Variants in PCDH15 observed in about 807,000 individuals in gnomAD.
PCDH15 encodes protocadherin-15.
PCDH15 carries 129 observed loss-of-function variants against 178.5 expected under a neutral mutation model. That is an observed-to-expected ratio of 0.72 (90% CI 0.63 to 0.84). The LOEUF (loss-of-function observed/expected upper bound fraction) is 0.84, where lower values mean the gene tolerates loss of function less well. PCDH15 is among the 40% of genes least tolerant of loss of function. The pLI, the probability that PCDH15 is intolerant of heterozygous loss-of-function variation, is 0.00. For synonymous variants in PCDH15, 800 were observed against 732.0 expected (o/e 1.09, Z -1.50); for missense variants, 2,230 against 2,099.9 (o/e 1.06, Z -1.21).
chr10:54,426,110 T>C (rs1205539312), intron 3 of PCDH15, among the ~76,000 whole-genome samples: 2 of 152,168 alleles, frequency 1.3e-5, no homozygotes, highest in South Asian at 2.1e-4. Flanking sequence ...GCCCAAGATA[T>C]TCTTGTATCC....
At chr10:54,817,298 C>T (rs2133736291) in intron 3 of PCDH15, among the ~76,000 whole-genome samples, 1 of 151,796 alleles carries the variant, frequency 6.6e-6, no homozygotes, top group South Asian at 2.1e-4. Context: ...AGAAAACTTG[C>T]CATGAATCCT....
At chr10:55,512,337 A>G (rs1317560736) in intron 2 of PCDH15, among the ~76,000 whole-genome samples, 2 of 152,112 alleles carry the variant, frequency 1.3e-5, no homozygotes, top group Admixed American at 6.6e-5. Context: ...AAACTAATTT[A>G]AGAATTATTT....
intron 1 of PCDH15, among the ~76,000 whole-genome samples, chr10:54,760,375 A>T (rs201833574): frequency 2.6e-4 from 17 of 65,134 alleles, no homozygotes; most frequent in Admixed American, 2.6e-4. Context: ...CAACATATAT[A>T]TTTTTTTTAT....
chr10:55,399,126 GGTTT>G (rs1838001569), intron 2 of PCDH15, among the ~76,000 whole-genome samples: 1 of 151,978 alleles, frequency 6.6e-6, no homozygotes, highest in Non-Finnish European at 1.5e-5. Context: ...AAAAAGGCTT[GGTTT>G]GTTCAAAAAT....
intron 1 of PCDH15, among the ~76,000 whole-genome samples, chr10:55,210,593 A>T (rs115383355): frequency 0.02 from 2,623 of 131,596 alleles, 51 homozygotes; most frequent in African/African-American, 0.042. Context: ...TTTGGCTCTC[A>T]CGATTTTTTT....
intron 1 of PCDH15, among the ~76,000 whole-genome samples, chr10:55,213,088 C>A (rs1473384625): frequency 6.6e-6 from 1 of 152,068 alleles, no homozygotes; most frequent in Non-Finnish European, 1.5e-5. Flanking sequence ...CATAATGGTT[C>A]TTTTACTGAA....
intron 3 of PCDH15, among the ~76,000 whole-genome samples, chr10:54,490,534 T>G (rs4582878): frequency 0.096 from 14,626 of 151,928 alleles, 902 homozygotes; most frequent in East Asian, 0.28. Flanking sequence ...AAAAAATTTT[T>G]AAAAAAGTTA....
At chr10:54,907,017 T>A (rs1381106681) in intron 2 of PCDH15, among the ~76,000 whole-genome samples, 1 of 152,090 alleles carries the variant, frequency 6.6e-6, no homozygotes, top group Non-Finnish European at 1.5e-5. Flanking sequence ...ACCTAATGGA[T>A]CCATGTTTTC....
rs1433568928 is a variant in PCDH15 at position 55,582,614 on chromosome 10, A to ATT, written c.-156+45010_-156+45011insAA. On this transcript the variant is annotated intron_variant, in intron 2 of 5. Coordinates refer to the PCDH15 transcript ENST00000613346. ...TGTATGTGTATATATATATATATATATATATATATATATATTTTTTTTTTT... is the reference window on the plus strand; with the variant it reads ...TGTATGTGTATATATATATATATATATTTATATATATATATATTTTTTTTTTT... Among the ~76,000 whole-genome samples the ATT allele has an allele frequency of 7.9e-4, 70 of 88,574 alleles. 1 individual carries two copies. The highest frequency in any genetic ancestry group is 1.9e-3 in the African/African-American group (32 of 16,494). 58.1% of individuals were successfully genotyped at this position (88,574 alleles called of 152,430 possible). A position where few individuals can be genotyped will look rare whatever the true frequency, so the allele number is the denominator to read the frequency against.
At chr10:54,854,462 T>C (rs1377712773) in intron 3 of PCDH15, among the ~76,000 whole-genome samples, 1 of 151,924 alleles carries the variant, frequency 6.6e-6, no homozygotes, top group Non-Finnish European at 1.5e-5. Flanking sequence ...AACTGGAGAG[T>C]GAGCAAGACA....
chr10:54,308,067 T>C (rs1313851778), intron 8 of PCDH15, among the ~76,000 whole-genome samples: 4 of 152,082 alleles, frequency 2.6e-5, no homozygotes, highest in Admixed American at 6.6e-5. Context: ...AACTGAGTTT[T>C]AGAGACAGTA....
At chr10:54,728,054 G>T (rs575712896) in intron 1 of PCDH15, among the ~76,000 whole-genome samples, 2 of 151,324 alleles carry the variant, frequency 1.3e-5, no homozygotes, top group African/African-American at 4.8e-5. Flanking sequence ...AAAAAACTGA[G>T]GAGGGACTTC....
intron 26 of PCDH15, among the ~76,000 whole-genome samples, chr10:53,881,538 A>G (rs2080718680): frequency 1.3e-5 from 2 of 152,260 alleles, no homozygotes; most frequent in Admixed American, 1.3e-4. Context: ...TTATGCCAAT[A>G]GAGCAAAGAG....
intron 2 of PCDH15, among the ~76,000 whole-genome samples, chr10:54,912,761 A>G (rs57557756): frequency 0.074 from 11,225 of 152,192 alleles, 1,360 homozygotes; most frequent in African/African-American, 0.25. Context: ...AAAAAGACAG[A>G]AAGATGAGGG....
At chr10:54,042,149 A>G (rs914037971) in intron 18 of PCDH15, among the ~76,000 whole-genome samples, 3 of 152,070 alleles carry the variant, frequency 2.0e-5, no homozygotes, top group Admixed American at 6.6e-5. Context: ...CCATGGATGA[A>G]ATATTGCCAG....
chr10:54,679,189 C>CAA (rs10709982), intron 1 of PCDH15, among the ~76,000 whole-genome samples: 868 of 70,372 alleles, frequency 0.012, 18 homozygotes, highest in Middle Eastern at 0.019. Context: ...GACTCCGTCT[C>CAA]AAAAAAAAAA....
intron 3 of PCDH15, among the ~76,000 whole-genome samples, chr10:54,383,388 A>T (rs1020926135): frequency 6.6e-6 from 1 of 152,312 alleles, no homozygotes. Flanking sequence ...AAGCAAAAAA[A>T]GTCATACTAC....
chr10:54,741,806 T>G (rs1944844462), intron 1 of PCDH15, among the ~76,000 whole-genome samples: 1 of 151,998 alleles, frequency 6.6e-6, no homozygotes, highest in Admixed American at 6.6e-5. Flanking sequence ...TGCTTCTCTC[T>G]TCGACTTCAA....
intron 8 of PCDH15, among the ~76,000 whole-genome samples, chr10:54,240,962 G>A (rs2055224940): frequency 6.6e-6 from 1 of 152,092 alleles, no homozygotes; most frequent in Non-Finnish European, 1.5e-5. Flanking sequence ...CACAGTTACA[G>A]CTCTATGAAG....
Sources: gnomAD v4.1 joint callset for allele counts (sites outside exome capture counted in the v4.1 genomes callset) on GRCh38, gnomAD v4.1.1 for gene constraint, MANE v1.5 for transcripts, NCBI Gene and HGNC (gene_info 2026-07-23, HGNC 2026-07-21) for gene names.